STXBP4: variants seen among roughly 807,000 people sequenced by gnomAD.
The protein encoded by STXBP4 is syntaxin binding protein 4.
A neutral mutation model predicts 76.1 loss-of-function variants in STXBP4; 55 were observed. The ratio of observed to expected loss-of-function variants is 0.72; its 90% CI spans 0.58 to 0.91. The LOEUF is 0.91. Ranked by LOEUF, STXBP4 falls within the 40% of genes least tolerant of loss-of-function variation. The pLI is 0.00. For missense variants in STXBP4, 618 were observed against 636.9 expected, an observed-to-expected ratio of 0.97 and a Z score of 0.32; for synonymous variants, 201 against 220.2, an observed-to-expected ratio of 0.91 and a Z score of 0.77.
intron 12 of STXBP4, among the ~76,000 whole-genome samples, chr17:55,053,525 A>G (rs1773060393): frequency 6.6e-6 from 1 of 152,174 alleles, no homozygotes; most frequent in Non-Finnish European, 1.5e-5. Flanking sequence ...TGTTGGCAAA[A>G]GGATGAACCT....
In STXBP4 at chr17:55,168,335, G is replaced by A. The variant is rs1346840326; in HGVS notation, c.*8424G>A. The A allele has an allele frequency of 6.6e-6, 1 of 151,926 alleles. No individual in the cohort carries two copies. The highest frequency in any genetic ancestry group is 1.5e-5 in the Non-Finnish European group (1 of 67,976). The allele number at this position is 151,926 out of a possible 1,614,324, so 9.4% of individuals were successfully genotyped here. The stretch of plus-strand genomic sequence containing the variant: ...TCAAAAATATGACCAAATACTGGTG[G>A]TTCCTCATTTACCAGTAGAACTCTC... On this transcript the variant is annotated 3_prime_UTR_variant, in exon 18 of 18. Transcript: ENST00000376352.
At chr17:55,204,496 G>C in the STXBP4 span, among the ~76,000 whole-genome samples, 1 of 151,942 alleles carries the variant, frequency 6.6e-6, no homozygotes, top group South Asian at 2.1e-4. Flanking sequence ...TAAATATTGT[G>C]TGTAAAAAAT....
chr17:55,155,671 C>T lies in STXBP4; in HGVS notation c.1548-4126C>T, dbSNP rs1238737139. Reference sequence around the variant, plus strand: ...AACAAAAGAATGTCTTTCATCATCACAGACGGTTATAAGAATGAATTTCTA... The same window carrying T: ...AACAAAAGAATGTCTTTCATCATCATAGACGGTTATAAGAATGAATTTCTA... On this transcript the variant is annotated intron_variant, in intron 17 of 17. Transcript: ENST00000376352. Among the ~76,000 whole-genome samples, 3 of 152,174 alleles carry T rather than the reference C, an allele frequency of 2.0e-5. No individual in the cohort carries two copies. The East Asian group carries it at 5.8e-4, about 29-fold the overall frequency.
At chr17:55,046,403 A>G (rs567521500) in intron 11 of STXBP4, among the ~76,000 whole-genome samples, 2 of 152,002 alleles carry the variant, frequency 1.3e-5, no homozygotes, top group South Asian at 2.1e-4. Flanking sequence ...ACTCAATTTA[A>G]TGTTCGAGCA....
chr17:54,982,968 G>A (rs9892976), intron 1 of STXBP4, among the ~76,000 whole-genome samples: 42,913 of 152,008 alleles, frequency 0.28, 6,304 homozygotes, highest in African/African-American at 0.35. Flanking sequence ...AAAGAGCAGG[G>A]TTCAAACTCT....
At chr17:55,020,989 C>G (rs1463126229) in intron 8 of STXBP4, among the ~76,000 whole-genome samples, 1 of 152,074 alleles carries the variant, frequency 6.6e-6, no homozygotes, top group East Asian at 1.9e-4. Context: ...ATTTTTCCGG[C>G]TATAAAACTA....
At chr17:54,995,344 C>A (rs1424170098) in intron 4 of STXBP4, among the ~76,000 whole-genome samples, 2 of 152,122 alleles carry the variant, frequency 1.3e-5, no homozygotes, top group African/African-American at 2.4e-5. Context: ...ATTTTTATTT[C>A]TTTCTTTTGT....
At chr17:55,050,933 G>T (rs538467288) in intron 12 of STXBP4, among the ~76,000 whole-genome samples, 2 of 152,214 alleles carry the variant, frequency 1.3e-5, no homozygotes, top group East Asian at 3.9e-4. Context: ...CTCCCAAAGT[G>T]CTGGATTACA....
At chr17:55,045,561 T>C (rs2078773676) in intron 11 of STXBP4, among the ~76,000 whole-genome samples, 1 of 152,142 alleles carries the variant, frequency 6.6e-6, no homozygotes. Flanking sequence ...TTTGAAAGTG[T>C]ATATGTCATG....
At chr17:55,210,527 T>C in the STXBP4 span, among the ~76,000 whole-genome samples, 1 of 152,158 alleles carries the variant, frequency 6.6e-6, no homozygotes, top group Non-Finnish European at 1.5e-5. Context: ...AAAAGAGAAA[T>C]AACAAATGCC....
chr17:55,056,342 T>G lies in STXBP4; in HGVS notation c.1011+9188T>G, dbSNP rs538284331. 7.6e-4 allele frequency among the ~76,000 whole-genome samples: 116 copies of G among 152,318 alleles called. 1 individual carries two copies. Among genetic ancestry groups the G allele is most frequent in the Middle Eastern group, 3.4e-3 (1 of 294 alleles). Reference sequence around the variant, plus strand: ...TTAGAGCACATCTCAATTTTTACACTGAATTTTCATTGGAAATACTGGATC... The same window carrying G: ...TTAGAGCACATCTCAATTTTTACACGGAATTTTCATTGGAAATACTGGATC... On this transcript the variant is annotated intron_variant, in intron 12 of 17. Coordinates refer to ENST00000376352, the MANE Select transcript of STXBP4 (RefSeq NM_178509.6).
intron 12 of STXBP4, among the ~76,000 whole-genome samples, chr17:55,051,507 A>G (rs771332131): frequency 1.1e-4 from 17 of 152,090 alleles, no homozygotes; most frequent in Non-Finnish European, 2.2e-4. Context: ...ACAATTTTAG[A>G]TGCTTTATAG....
chr17:55,025,171 A>T (rs1053960615), intron 8 of STXBP4, among the ~76,000 whole-genome samples: 4 of 152,170 alleles, frequency 2.6e-5, no homozygotes, highest in Non-Finnish European at 5.9e-5. Flanking sequence ...ATTTAAAAAA[A>T]AGTAAGTTAT....
Position 55,021,372 on chromosome 17 carries a change from A to G in STXBP4, c.667-9796A>G, listed in dbSNP as rs540432093. On this transcript the variant is annotated intron_variant, in intron 8 of 17. Transcript: ENST00000376352. Reference sequence around the variant, plus strand: ...TCCCATATCTCAAAAATTTTTTTAAAAATTAGCCAGTTGTGGTGGTGGACA... The same window carrying G: ...TCCCATATCTCAAAAATTTTTTTAAGAATTAGCCAGTTGTGGTGGTGGACA... Among the ~76,000 whole-genome samples the G allele has an allele frequency of 1.5e-4, 23 of 152,184 alleles. 1 individual carries two copies. Among genetic ancestry groups the G allele is most frequent in the Admixed American group, 1.3e-3 (20 of 15,276 alleles).
At position 55,150,802 on chromosome 17, in the gene STXBP4, C is replaced by T. The variant is rs2080207840; in HGVS notation, c.1548-8995C>T. 2.0e-5 allele frequency among the ~76,000 whole-genome samples: 3 copies of T among 152,044 alleles called. No individual in the cohort carries two copies. The South Asian group carries it at 6.2e-4, about 32-fold the overall frequency. Reference sequence around the variant, plus strand: ...CCTCAAAAATGTTCACATCTTATTCCCCAGCACCTGTAAGTGTGAATATAC... The same window carrying T: ...CCTCAAAAATGTTCACATCTTATTCTCCAGCACCTGTAAGTGTGAATATAC... On this transcript the variant is annotated intron_variant, in intron 17 of 17. Transcript: ENST00000376352.
At chr17:54,988,655 A>G (rs2077662856) in intron 3 of STXBP4, among the ~76,000 whole-genome samples, 1 of 152,116 alleles carries the variant, frequency 6.6e-6, no homozygotes, top group African/African-American at 2.4e-5. Flanking sequence ...CGCACCTGTA[A>G]TCCCAGCTAT....
chr17:55,061,865 A>G (rs1439625512), intron 12 of STXBP4, among the ~76,000 whole-genome samples: 1 of 152,146 alleles, frequency 6.6e-6, no homozygotes, highest in Non-Finnish European at 1.5e-5. Flanking sequence ...ATCTAAATAA[A>G]GTTGTGGGTT....
chr17:55,064,425 C>A (rs2079025547), intron 12 of STXBP4, among the ~76,000 whole-genome samples: 1 of 152,100 alleles, frequency 6.6e-6, no homozygotes, highest in Non-Finnish European at 1.5e-5. Context: ...ATTATAAGAT[C>A]TCTTTACACT....
intron 16 of STXBP4, among the ~76,000 whole-genome samples, chr17:55,094,995 C>A (rs1176310741): frequency 6.6e-6 from 1 of 152,068 alleles, no homozygotes; most frequent in East Asian, 1.9e-4. Context: ...AATCACATAC[C>A]GATAGCATTA....
Sources: gnomAD v4.1 joint callset for allele counts (sites outside exome capture counted in the v4.1 genomes callset) on GRCh38, gnomAD v4.1.1 for gene constraint, MANE v1.5 for transcripts, NCBI Gene and HGNC (gene_info 2026-07-23, HGNC 2026-07-21) for gene names.